Variants in EXOC4 observed in about 807,000 individuals in gnomAD.
The protein encoded by EXOC4 is SEC8-like 1.
EXOC4 carries 71 observed loss-of-function variants against 107.2 expected under a neutral mutation model. That is an observed-to-expected ratio of 0.66 (90% CI 0.55 to 0.81). The LOEUF is 0.81. Among genes scored for constraint, EXOC4 ranks in the 30% least tolerant of loss-of-function variants. EXOC4 has a pLI of 0.00. For synonymous variants in EXOC4, 456 were observed against 441.2 expected, an observed-to-expected ratio of 1.03 and a Z score of -0.42; for missense variants, 1,108 against 1,189.6, an observed-to-expected ratio of 0.93 and a Z score of 1.01.
intron 16 of EXOC4, among the ~76,000 whole-genome samples, 161 bp downstream of exon 16, chr7:134,005,251 A>G (rs545914626): frequency 7.9e-4 from 121 of 152,304 alleles, no homozygotes; most frequent in Non-Finnish European, 1.3e-3. Context: ...GTGTATGACT[A>G]GGTAGACAAC....
chr7:134,015,385 A>G (rs1794879490), intron 17 of EXOC4, among the ~76,000 whole-genome samples: 2 of 152,222 alleles, frequency 1.3e-5, no homozygotes, highest in South Asian at 2.1e-4. Flanking sequence ...CCTGGTATGT[A>G]GTAGACATTC....
intron 17 of EXOC4, among the ~76,000 whole-genome samples, chr7:134,021,998 T>G (rs1016795836): frequency 2.0e-5 from 3 of 152,214 alleles, no homozygotes; most frequent in African/African-American, 7.2e-5. Flanking sequence ...CATGATATAT[T>G]TGACCAGAAA....
At chr7:133,436,049 T>TG (rs1797964225) in intron 7 of EXOC4, among the ~76,000 whole-genome samples, 1 of 10,274 alleles carries the variant, frequency 9.7e-5, no homozygotes, top group South Asian at 0.012. Flanking sequence ...TATCTCAGTG[T>TG]TTTTTTTTTT....
chr7:133,572,424 G>C (rs1801042538), intron 9 of EXOC4, among the ~76,000 whole-genome samples: 1 of 151,586 alleles, frequency 6.6e-6, no homozygotes, highest in Non-Finnish European at 1.5e-5. Context: ...ATAAGCTTAG[G>C]GAAAAAAACT....
At chr7:133,361,609 T>C (rs1394179318) in intron 6 of EXOC4, among the ~76,000 whole-genome samples, 1 of 152,220 alleles carries the variant, frequency 6.6e-6, no homozygotes, top group Non-Finnish European at 1.5e-5. Flanking sequence ...TTTCATGTAA[T>C]GGATAATGTT....
intron 9 of EXOC4, among the ~76,000 whole-genome samples, chr7:133,552,855 G>T (rs1258002315): frequency 6.6e-6 from 1 of 152,056 alleles, no homozygotes; most frequent in Non-Finnish European, 1.5e-5. Flanking sequence ...ACCCATTAAT[G>T]TGTATTTTTA....
At chr7:133,749,128 C>T (rs1044986288) in intron 10 of EXOC4, among the ~76,000 whole-genome samples, 3 of 152,184 alleles carry the variant, frequency 2.0e-5, no homozygotes, top group Admixed American at 2.0e-4. Context: ...GTACATATAA[C>T]TCACTATTAG....
chr7:133,557,717 G>A lies in EXOC4; in HGVS notation c.1418-72328G>A, dbSNP rs180860130. Among the ~76,000 whole-genome samples, 94 of 152,220 alleles carry A rather than the reference G, an allele frequency of 6.2e-4. 2 individuals are homozygous for A. The East Asian group carries it at 0.012, about 19-fold the overall frequency. On this transcript the variant is annotated intron_variant, in intron 9 of 17. Coordinates refer to ENST00000253861, the MANE Select transcript of EXOC4 (RefSeq NM_021807.4). ...CTTAAAACAGCACAAATGGCCGGGC[G>A]CGGTGGCTCACACCTGTAATCCCAG...
intron 7 of EXOC4, among the ~76,000 whole-genome samples, chr7:133,435,872 G>A (rs549333474): frequency 9.9e-5 from 15 of 152,124 alleles, no homozygotes; most frequent in Admixed American, 3.3e-4. Flanking sequence ...TGTGCTGAAT[G>A]GATAAGTGAA....
intron 10 of EXOC4, among the ~76,000 whole-genome samples, chr7:133,730,722 A>G (rs1374264804): frequency 1.3e-5 from 2 of 152,220 alleles, no homozygotes; most frequent in African/African-American, 4.8e-5. Flanking sequence ...AATCCAAAGC[A>G]TATTGAAAGA....
At chr7:133,742,276 G>A (rs1012257417) in intron 10 of EXOC4, among the ~76,000 whole-genome samples, 1 of 152,072 alleles carries the variant, frequency 6.6e-6, no homozygotes, top group Non-Finnish European at 1.5e-5. Flanking sequence ...AGAAAGTCCC[G>A]TTTTTAGAGA....
At position 133,384,332 on chromosome 7, in the gene EXOC4, A is replaced by G. The variant is rs187803716; in HGVS notation, c.1182+9330A>G. On this transcript the variant is annotated intron_variant, in intron 7 of 17. Transcript: ENST00000253861. ...CTCGGGCCTCATTACGTCTTGGCCTAGAGAACACAGGTGTAGAAATGGCAG... is the reference window on the plus strand; with the variant it reads ...CTCGGGCCTCATTACGTCTTGGCCTGGAGAACACAGGTGTAGAAATGGCAG... 2.0e-4 allele frequency among the ~76,000 whole-genome samples: 30 copies of G among 152,320 alleles called. No individual in the cohort carries two copies. The East Asian group carries it at 4.6e-3, about 24-fold the overall frequency.
the EXOC4 span, among the ~76,000 whole-genome samples, chr7:134,075,165 T>A: frequency 6.6e-6 from 1 of 152,234 alleles, no homozygotes; most frequent in East Asian, 1.9e-4. Flanking sequence ...TTGCTGGCAG[T>A]CAGCAGATAC....
chr7:133,864,817 TC>T (rs1411521889), intron 11 of EXOC4, among the ~76,000 whole-genome samples: 1 of 152,202 alleles, frequency 6.6e-6, no homozygotes, highest in African/African-American at 2.4e-5. Context: ...GATATCAGAT[TC>T]CTCAGAGCAG....
chr7:133,990,749 C>T (rs149204174), intron 14 of EXOC4, among the ~76,000 whole-genome samples: 4 of 152,196 alleles, frequency 2.6e-5, no homozygotes, highest in African/African-American at 7.2e-5. Flanking sequence ...CCACTGTGCC[C>T]CACCAGGATT....
chr7:133,273,740 T>C (rs1793926976), intron 1 of EXOC4, among the ~76,000 whole-genome samples: 1 of 152,196 alleles, frequency 6.6e-6, no homozygotes, highest in Non-Finnish European at 1.5e-5. Flanking sequence ...TATTGTACAG[T>C]ATTTTGCTTG....
intron 7 of EXOC4, among the ~76,000 whole-genome samples, chr7:133,418,522 G>C (rs536872764): frequency 2.6e-5 from 4 of 152,316 alleles, no homozygotes; most frequent in South Asian, 2.1e-4. Context: ...GTTGTGAAGT[G>C]CTGGAGAGAA....
At chr7:133,572,817 T>C (rs1801052550) in intron 9 of EXOC4, among the ~76,000 whole-genome samples, 1 of 152,206 alleles carries the variant, frequency 6.6e-6, no homozygotes, top group East Asian at 1.9e-4. Context: ...CTGAATATGG[T>C]CTATAGTGAT....
At chr7:133,855,084 T>TATATCTAA (rs1798326730) in intron 11 of EXOC4, among the ~76,000 whole-genome samples, 2 of 100,468 alleles carry the variant, frequency 2.0e-5, no homozygotes, top group African/African-American at 6.0e-5. Flanking sequence ...TATATCTAAA[T>TATATCTAA]ATATATAAAT....
Sources: gnomAD v4.1 joint callset for allele counts (sites outside exome capture counted in the v4.1 genomes callset) on GRCh38, gnomAD v4.1.1 for gene constraint, MANE v1.5 for transcripts, NCBI Gene and HGNC (gene_info 2026-07-23, HGNC 2026-07-21) for gene names.